Variants in GDAP2 observed in about 807,000 individuals in gnomAD.
GDAP2 encodes the protein ganglioside induced differentiation associated protein 2.
Under a neutral mutation model 67.0 loss-of-function variants are expected in GDAP2, and 51 were observed. That is an observed-to-expected ratio of 0.76 (90% confidence interval 0.61 to 0.96). The LOEUF is 0.96. Ranked by LOEUF, GDAP2 falls within the 40% of genes least tolerant of loss-of-function variation. GDAP2 has a pLI of 0.00. For synonymous variants in GDAP2, 203 were observed against 207.3 expected, an observed-to-expected ratio of 0.98 and a Z score of 0.18; for missense variants, 547 against 588.3, an observed-to-expected ratio of 0.93 and a Z score of 0.73.
intron 1 of GDAP2, among the ~76,000 whole-genome samples, chr1:117,926,443 G>A (rs562047135): frequency 3.7e-4 from 56 of 152,202 alleles, no homozygotes; most frequent in Non-Finnish European, 7.3e-4. Flanking sequence ...TGTTAAATAA[G>A]TAAAAGTAAT....
rs1367872523 is a variant in GDAP2 at position 117,920,569 on chromosome 1, ATGGACAACAAAGAAT to A, written c.-67-160_-67-146del. 12 of 377,010 alleles carry A rather than the reference ATGGACAACAAAGAAT, an allele frequency of 3.2e-5. No individual in the cohort carries two copies. The Admixed American group carries it at 3.2e-4, about 10-fold the overall frequency. 23.4% of individuals were successfully genotyped at this position (377,010 alleles called of 1,614,324 possible). On this transcript the variant is annotated intron_variant, in intron 1 of 13. Coordinates refer to ENST00000369443, the MANE Select transcript of GDAP2 (RefSeq NM_017686.4). ...CCACTTAAAAAGTCCATTAAAAACA[ATGGACAACAAAGAAT>A]TGCTACAGAATTTCTAAAACAGGAT...
At chr1:117,917,280 A>G (rs1650082094) in intron 3 of GDAP2, among the ~76,000 whole-genome samples, 1 of 152,132 alleles carries the variant, frequency 6.6e-6, no homozygotes, top group Admixed American at 6.5e-5. Flanking sequence ...ATTTGGAGTC[A>G]TGCTTGTTTT....
At chr1:117,882,009 A>C (rs1220976737) in intron 11 of GDAP2, 132 bp from the exon 12 acceptor site, 2 of 583,322 alleles carry the variant, frequency 3.4e-6, no homozygotes, top group Non-Finnish European at 6.2e-6. Flanking sequence ...GCTATAATTT[A>C]CAGATTGAAT....
intron 8 of GDAP2, among the ~76,000 whole-genome samples, chr1:117,891,731 T>C (rs1649090758): frequency 6.6e-6 from 1 of 152,134 alleles, no homozygotes; most frequent in Non-Finnish European, 1.5e-5. Context: ...AGTTCTTAAT[T>C]TTAATATAGT....
intron 7 of GDAP2, among the ~76,000 whole-genome samples, chr1:117,898,518 A>G (rs545189052): frequency 1.3e-5 from 2 of 152,170 alleles, no homozygotes; most frequent in African/African-American, 2.4e-5. Context: ...CTTGTGAGGC[A>G]TATCTCCACA....
chr1:117,886,741 G>A, intron 9 of GDAP2, 88 bp from the exon 10 acceptor site: 1 of 755,696 alleles, frequency 1.3e-6, no homozygotes, highest in Non-Finnish European at 2.3e-6. Flanking sequence ...AATATTCTAT[G>A]TGAATTTAAA....
Position 117,877,816 on chromosome 1 carries a change from T to A in GDAP2, c.1446+193A>T, listed in dbSNP as rs1242328565. 8 of 1,258,880 alleles carry A rather than the reference T, an allele frequency of 6.4e-6. No homozygotes were observed. The East Asian group carries it at 2.2e-4, about 34-fold the overall frequency. The allele number at this position is 1,258,880 out of a possible 1,614,324, so 78.0% of individuals were successfully genotyped here. ...CACTGAAACGTTTATCTGGAGAAAA[T>A]GCCTCTCTTGGGACAAATCCTTTTC... On this transcript the variant is annotated intron_variant, in intron 13 of 13. Coordinates refer to ENST00000369443, the MANE Select transcript of GDAP2 (RefSeq NM_017686.4).
chr1:117,887,418 G>A (rs1222237349), intron 9 of GDAP2, among the ~76,000 whole-genome samples: 1 of 152,148 alleles, frequency 6.6e-6, no homozygotes, highest in Non-Finnish European at 1.5e-5. Flanking sequence ...TTTGAATTTT[G>A]TAGTAGCAAG....
At position 117,869,860 on chromosome 1, in the gene GDAP2, T is replaced by C. The variant is rs899994026; in HGVS notation, c.*709A>G. ...CTTTTGAATAAGACCAAATCATCCA[T>C]GATTATAGGAAAAAGGCTGAAGATA... On this transcript the variant is annotated 3_prime_UTR_variant, in exon 14 of 14. Transcript: ENST00000369443. The C allele has an allele frequency of 2.6e-5, 4 of 152,290 alleles. No homozygotes were observed. In the East Asian group the frequency reaches 7.7e-4, roughly 29 times the overall value. 9.4% of individuals were successfully genotyped at this position (152,290 alleles called of 1,614,324 possible). A position where few individuals can be genotyped will look rare whatever the true frequency, so the allele number is the denominator to read the frequency against.
intron 6 of GDAP2, among the ~76,000 whole-genome samples, chr1:117,905,436 C>T (rs1005748212): frequency 3.3e-5 from 5 of 152,094 alleles, no homozygotes; most frequent in Non-Finnish European, 1.5e-5. Context: ...TGTCATTTGC[C>T]TCTCTCCCTC....
chr1:117,898,112 C>G (rs755910499), intron 7 of GDAP2, among the ~76,000 whole-genome samples: 4 of 152,140 alleles, frequency 2.6e-5, no homozygotes, highest in African/African-American at 7.2e-5. Context: ...ATTAATTAGT[C>G]TTATCTACTG....
rs529894136 is a variant in GDAP2, at chr1:117,873,413, T to TC, written c.1447-2798dup. 2.5e-3 allele frequency among the ~76,000 whole-genome samples: 385 copies of TC among 151,910 alleles called. 2 individuals are homozygous for TC. The highest frequency in any genetic ancestry group is 8.9e-3 in the African/African-American group (367 of 41,368). ...ATAGAAGCCCACTGAAACTTGGGTT[T>TC]CTTTTTTTTTTTAAACAGATACTAA... is the stretch of plus-strand genomic sequence containing the variant. On this transcript the variant is annotated intron_variant, in intron 13 of 13. Coordinates refer to ENST00000369443, the MANE Select transcript of GDAP2 (RefSeq NM_017686.4).
intron 13 of GDAP2, among the ~76,000 whole-genome samples, chr1:117,873,263 C>G (rs1240563313): frequency 6.6e-6 from 1 of 152,158 alleles, no homozygotes; most frequent in Non-Finnish European, 1.5e-5. Context: ...AACTCTCTTT[C>G]TGAAATGGTC....
chr1:117,897,016 G>A (rs1242611056), intron 7 of GDAP2, 27 bp from the exon 8 acceptor site: 3 of 1,527,600 alleles, frequency 2.0e-6, no homozygotes, highest in Admixed American at 3.7e-5. Context: ...ACTATCAATA[G>A]AGAGCTTATG....
chr1:117,916,323 G>T (rs1194879840), intron 3 of GDAP2, among the ~76,000 whole-genome samples: 1 of 152,206 alleles, frequency 6.6e-6, no homozygotes, highest in Non-Finnish European at 1.5e-5. Flanking sequence ...TGACAAGGTA[G>T]TGAGAAGAGA....
chr1:117,887,783 A>G lies in GDAP2; in HGVS notation c.954-9T>C. ...ATAACCAGCGATTATAACTAGGGAA[A>G]TAAATGATATAATCATTATAATAAA... is the stretch of plus-strand genomic sequence containing the variant. On this transcript the variant is annotated splice_polypyrimidine_tract_variant and intron_variant, in intron 8 of 13. Transcript: ENST00000369443. 1.4e-6 allele frequency: 2 copies of G among 1,411,212 alleles called. No homozygotes were observed. Among genetic ancestry groups the G allele is most frequent in the Non-Finnish European group, 1.0e-6 (1 of 997,074 alleles). 87.4% of individuals were successfully genotyped at this position (1,411,212 alleles called of 1,614,324 possible).
chr1:117,888,502 C>T (rs1648948102), intron 8 of GDAP2, among the ~76,000 whole-genome samples: 1 of 152,086 alleles, frequency 6.6e-6, no homozygotes, highest in Admixed American at 6.6e-5. Flanking sequence ...CTCAGACTTC[C>T]CAGCCTATTA....
intron 7 of GDAP2, among the ~76,000 whole-genome samples, chr1:117,897,657 CTT>C (rs1649311174): frequency 6.6e-6 from 1 of 152,204 alleles, no homozygotes; most frequent in South Asian, 2.1e-4. Context: ...CAGATTATCT[CTT>C]AGTGTGGTAT....
chr1:117,899,001 G>A (rs1649354127), intron 7 of GDAP2, 56 bp downstream of exon 7: 1 of 1,284,356 alleles, frequency 7.8e-7, no homozygotes, highest in African/African-American at 1.5e-5. Context: ...TTGGTGATTG[G>A]TGCCTATTTT....
Sources: gnomAD v4.1 joint callset for allele counts (sites outside exome capture counted in the v4.1 genomes callset) on GRCh38, gnomAD v4.1.1 for gene constraint, MANE v1.5 for transcripts, NCBI Gene and HGNC (gene_info 2026-07-23, HGNC 2026-07-21) for gene names.